The following ANKS1A variants were observed in gnomAD, a reference collection of about 807,000 sequenced individuals.
The protein encoded by ANKS1A is ankyrin repeat and SAM domain-containing protein 1A.
In ANKS1A, 55 loss-of-function variants were observed where a neutral mutation model predicts 120.3. The ratio of observed to expected loss-of-function variants is 0.46; its 90% CI spans 0.37 to 0.57. The LOEUF (loss-of-function observed/expected upper bound fraction) is 0.57. Ranked by LOEUF, ANKS1A falls within the 20% of genes least tolerant of loss-of-function variation. ANKS1A has a pLI of 0.00. For missense variants in ANKS1A, 1,123 were observed against 1,480.3 expected, an observed-to-expected ratio of 0.76 and a Z score of 3.96; for synonymous variants, 590 against 604.7, an observed-to-expected ratio of 0.98 and a Z score of 0.36.
chr6:34,953,127 T>C (rs934851433), intron 1 of ANKS1A, among the ~76,000 whole-genome samples: 1 of 151,740 alleles, frequency 6.6e-6, no homozygotes, highest in Non-Finnish European at 1.5e-5. Context: ...GTTCTCAGTA[T>C]GTGCCATATG....
At chr6:34,972,243 C>T (rs1402496043) in intron 3 of ANKS1A, among the ~76,000 whole-genome samples, 1 of 152,094 alleles carries the variant, frequency 6.6e-6, no homozygotes, top group African/African-American at 2.4e-5. Context: ...ATAAGTGGGA[C>T]CCCAGCCCAG....
intron 1 of ANKS1A, among the ~76,000 whole-genome samples, chr6:34,916,893 G>A (rs1768191114): frequency 6.6e-6 from 1 of 152,240 alleles, no homozygotes; most frequent in South Asian, 2.1e-4. Flanking sequence ...GCTGTGAACA[G>A]ACACCGCTAC....
chr6:34,892,697 C>T (rs1266347574), intron 1 of ANKS1A, among the ~76,000 whole-genome samples: 2 of 152,210 alleles, frequency 1.3e-5, no homozygotes, highest in East Asian at 1.9e-4. Context: ...CTTCTTAAAG[C>T]CCTTCCTGAT....
chr6:34,923,982 G>A (rs1768571379), intron 1 of ANKS1A, among the ~76,000 whole-genome samples: 1 of 152,074 alleles, frequency 6.6e-6, no homozygotes, highest in African/African-American at 2.4e-5. Context: ...TCTAGAGGAG[G>A]TTGCAAAAAA....
chr6:34,934,844 T>G (rs1180223915), intron 1 of ANKS1A, among the ~76,000 whole-genome samples: 1 of 152,206 alleles, frequency 6.6e-6, no homozygotes, highest in Non-Finnish European at 1.5e-5. Context: ...CCCCAGCCTA[T>G]TTTTCTCCTT....
At chr6:34,911,443 A>G (rs1347061236) in intron 1 of ANKS1A, among the ~76,000 whole-genome samples, 1 of 152,190 alleles carries the variant, frequency 6.6e-6, no homozygotes, top group Non-Finnish European at 1.5e-5. Context: ...TTCCTTGTGC[A>G]CAGGATAACA....
Position 35,090,961 on chromosome 6 carries a change from C to T in ANKS1A, c.*2352C>T, listed in dbSNP as rs1455245358. On this transcript the variant is annotated 3_prime_UTR_variant, in exon 24 of 24. Coordinates refer to ENST00000360359, the MANE Select transcript of ANKS1A (RefSeq NM_015245.3). ...CCCTCCTGGGCCCTCCAGCGTCAGA[C>T]ACTAATGGGAGTTCCCGAGATGCTC... 2.0e-6 allele frequency: 2 copies of T among 985,698 alleles called. No homozygotes were observed. The highest frequency in any genetic ancestry group is 6.1e-5 in the Admixed American group (1 of 16,268). 61.1% of individuals were successfully genotyped at this position (985,698 alleles called of 1,614,324 possible). A position where few individuals can be genotyped will look rare whatever the true frequency, so the allele number is the denominator to read the frequency against.
rs1356708379 is a variant in ANKS1A, at chr6:35,082,451, T to C, written c.2710-240T>C. On this transcript the variant is annotated intron_variant, in intron 17 of 23. Coordinates refer to ENST00000360359, the MANE Select transcript of ANKS1A (RefSeq NM_015245.3). This position sits in a 1 kb window ranked among gnomAD's most constrained non-coding sequence, Gnocchi z 4.1. ...GACTCATCTCGGACACCACAGAGAC[T>C]GTCCTTCCCAAGCCCTGCTCTCAGG... Among the ~76,000 whole-genome samples the C allele has an allele frequency of 1.3e-5, 2 of 152,086 alleles. No individual in the cohort carries two copies. The highest frequency in any genetic ancestry group is 2.4e-5 in the African/African-American group (1 of 41,408).
intron 13 of ANKS1A, among the ~76,000 whole-genome samples, chr6:35,067,552 A>C (rs1776840460): frequency 6.6e-6 from 1 of 152,178 alleles, no homozygotes; most frequent in African/African-American, 2.4e-5. Context: ...CCGTCGCCAC[A>C]GGTGTTGATA....
intron 13 of ANKS1A, among the ~76,000 whole-genome samples, chr6:35,062,866 A>G (rs2060039811): frequency 6.6e-6 from 1 of 152,132 alleles, no homozygotes; most frequent in Non-Finnish European, 1.5e-5. Context: ...GCTGATGTAG[A>G]GCATTCTTTA....
At chr6:34,906,482 A>G (rs1767653431) in intron 1 of ANKS1A, among the ~76,000 whole-genome samples, 1 of 152,236 alleles carries the variant, frequency 6.6e-6, no homozygotes, top group South Asian at 2.1e-4. Context: ...TTAGGAACAC[A>G]AAACTTGACA....
At chr6:34,953,193 C>T (rs1371909662) in intron 1 of ANKS1A, among the ~76,000 whole-genome samples, 1 of 152,038 alleles carries the variant, frequency 6.6e-6, no homozygotes, top group African/African-American at 2.4e-5. Context: ...TTGAATCTGC[C>T]CCTGAGTTGC....
downstream of ANKS1A, among the ~76,000 whole-genome samples, chr6:35,095,079 T>C (rs1778417787): frequency 7.1e-6 from 1 of 141,812 alleles, no homozygotes; most frequent in Admixed American, 7.7e-5. Flanking sequence ...AGGTCGAGGC[T>C]GCAGTGACCT....
chr6:35,038,206 T>C, intron 11 of ANKS1A: 1 of 456,642 alleles, frequency 2.2e-6, no homozygotes, highest in South Asian at 1.5e-5. Context: ...AAGAGAACTG[T>C]CAGAAGCCCA....
intron 13 of ANKS1A, among the ~76,000 whole-genome samples, chr6:35,072,208 G>A (rs980142927): frequency 1.3e-5 from 2 of 152,262 alleles, no homozygotes. Context: ...AGCAGTGTGG[G>A]TCCTGCAGTA....
At position 34,889,456 on chromosome 6, in the gene ANKS1A, G is replaced by T. The variant is rs760052929; in HGVS notation, c.54G>T (p.Ala18=). 39 of 1,289,320 alleles carry T rather than the reference G, an allele frequency of 3.0e-5. No homozygotes were observed. Among genetic ancestry groups the T allele is most frequent in the Non-Finnish European group, 3.7e-5 (38 of 1,022,664 alleles). 79.9% of individuals were successfully genotyped at this position (1,289,320 alleles called of 1,614,324 possible). A position where few individuals can be genotyped will look rare whatever the true frequency, so the allele number is the denominator to read the frequency against. The change falls in exon 1 of 24, where the codon GCG becomes GCT. Residue 18 remains alanine, a synonymous_variant. Transcript: ENST00000360359. The surrounding 1 kb of genome is among the most constrained non-coding windows in gnomAD (Gnocchi z 5.5). The stretch of plus-strand genomic sequence containing the variant: ...CGGCCCGCACCGGGCACCTCCCGGC[G>T]GTGGAGAAGCTGCTGTCCGGGAAGC... ...LEAARTGHLP[A]VEKLLSGKRL...
intron 11 of ANKS1A, 111 bp from the exon 12 acceptor site, chr6:35,053,988 G>C: frequency 1.2e-6 from 1 of 828,814 alleles, no homozygotes; most frequent in Non-Finnish European, 2.1e-6. Context: ...GCTGGTCCTG[G>C]GAAGCATCTG....
At chr6:34,920,589 C>T (rs186480473) in intron 1 of ANKS1A, among the ~76,000 whole-genome samples, 1 of 152,216 alleles carries the variant, frequency 6.6e-6, no homozygotes, top group African/African-American at 2.4e-5. Flanking sequence ...TTCATTAAGC[C>T]TACTTTGTGT....
chr6:34,998,440 G>A (rs1386277990), intron 10 of ANKS1A, among the ~76,000 whole-genome samples: 1 of 152,140 alleles, frequency 6.6e-6, no homozygotes, highest in Non-Finnish European at 1.5e-5. Context: ...AGGTAGCCTG[G>A]CACCTAGGAA....
Sources: allele counts gnomAD v4.1 joint callset (sites outside exome capture counted in the v4.1 genomes callset), GRCh38; gene constraint gnomAD v4.1.1; non-coding constraint Gnocchi (gnomAD v3.1); transcripts MANE v1.5; gene names NCBI Gene and HGNC (gene_info 2026-07-23, HGNC 2026-07-21).